The following VEPH1 variants were observed in gnomAD, a reference collection of about 807,000 sequenced individuals.
The protein encoded by VEPH1 is ventricular zone-expressed PH domain-containing protein homolog 1.
In VEPH1, 80 loss-of-function variants were observed where a neutral mutation model predicts 85.2. The ratio of observed to expected loss-of-function variants is 0.94; its 90% CI spans 0.78 to 1.13. The LOEUF (loss-of-function observed/expected upper bound fraction) is 1.13. Among genes scored for constraint, VEPH1 ranks in the 50% most tolerant of loss-of-function variants. The pLI is 0.00. For missense variants in VEPH1, 955 were observed against 980.5 expected (o/e 0.97, Z 0.35); for synonymous variants, 297 against 348.0 (o/e 0.85, Z 1.63).
rs1712786115 is a variant in VEPH1 at position 157,260,863 on chromosome 3, C to T, written c.*271G>A. Reference sequence around the variant, plus strand: ...ATCAGTGACTTTTCCCTTCCTGGCCCCACACTATCTGAGGGCATACTCTGT... The same window carrying T: ...ATCAGTGACTTTTCCCTTCCTGGCCTCACACTATCTGAGGGCATACTCTGT... On this transcript the variant is annotated 3_prime_UTR_variant, in exon 14 of 14. Transcript: ENST00000362010. 8 of 357,630 alleles carry T rather than the reference C, an allele frequency of 2.2e-5. No individual in the cohort carries two copies. In the South Asian group the frequency reaches 3.1e-4, roughly 14 times the overall value. 22.2% of individuals were successfully genotyped at this position (357,630 alleles called of 1,614,324 possible).
At chr3:157,352,905 C>A (rs1190551489) in intron 9 of VEPH1, among the ~76,000 whole-genome samples, 1 of 152,108 alleles carries the variant, frequency 6.6e-6, no homozygotes, top group East Asian at 1.9e-4. Context: ...CAGGGTTGTT[C>A]TGTTTGCAGG....
intron 6 of VEPH1, among the ~76,000 whole-genome samples, chr3:157,388,115 A>G (rs1218832880): frequency 6.6e-6 from 1 of 152,036 alleles, no homozygotes; most frequent in Admixed American, 6.5e-5. Flanking sequence ...AACTCTTTGA[A>G]GTCTCTACAC....
chr3:157,297,536 G>A (rs1052285065), intron 11 of VEPH1, among the ~76,000 whole-genome samples: 2 of 152,100 alleles, frequency 1.3e-5, no homozygotes, highest in Admixed American at 1.3e-4. Flanking sequence ...AGACATGGGG[G>A]GTGTAATGTG....
At chr3:157,279,789 G>A (rs1283047495) in intron 12 of VEPH1, among the ~76,000 whole-genome samples, 4 of 152,056 alleles carry the variant, frequency 2.6e-5, no homozygotes, top group East Asian at 1.9e-4. Context: ...AGGCCGAGGC[G>A]GGCGGATCAC....
At chr3:157,326,393 A>G (rs1721909800) in intron 9 of VEPH1, among the ~76,000 whole-genome samples, 1 of 152,194 alleles carries the variant, frequency 6.6e-6, no homozygotes, top group Non-Finnish European at 1.5e-5. Flanking sequence ...GGAGTACCAA[A>G]AAAGTAAAAT....
chr3:157,412,501 G>A (rs1450620725), intron 6 of VEPH1, among the ~76,000 whole-genome samples: 1 of 152,088 alleles, frequency 6.6e-6, no homozygotes, highest in Non-Finnish European at 1.5e-5. Context: ...GAATTTTTTG[G>A]TTCTTGCAAA....
intron 11 of VEPH1, among the ~76,000 whole-genome samples, chr3:157,293,237 C>T (rs1310904412): frequency 6.6e-6 from 1 of 152,086 alleles, no homozygotes; most frequent in Non-Finnish European, 1.5e-5. Flanking sequence ...CAGCAGGGCA[C>T]TGATGTGGAA....
chr3:157,263,618 C>G (rs1713209207), intron 13 of VEPH1, among the ~76,000 whole-genome samples: 1 of 151,988 alleles, frequency 6.6e-6, no homozygotes, highest in Non-Finnish European at 1.5e-5. Flanking sequence ...ATTGAACTGC[C>G]CTTTCAAAAA....
At chr3:157,272,227 T>C (rs555025989) in intron 12 of VEPH1, among the ~76,000 whole-genome samples, 2 of 143,546 alleles carry the variant, frequency 1.4e-5, no homozygotes, top group East Asian at 4.0e-4. Flanking sequence ...TCCTGGGTGT[T>C]TGTCTCTTTT....
intron 11 of VEPH1, among the ~76,000 whole-genome samples, chr3:157,301,589 G>A (rs866655399): frequency 6.6e-6 from 1 of 151,890 alleles, no homozygotes; most frequent in Admixed American, 6.6e-5. Flanking sequence ...ACTTCTGTTC[G>A]TACCTTGCCC....
At chr3:157,437,677 C>T (rs1293982095) in intron 4 of VEPH1, 4 of 1,536,380 alleles carry the variant, frequency 2.6e-6, no homozygotes, top group Non-Finnish European at 3.5e-6. Context: ...CGCGGAAAGC[C>T]TGGCGAGGCC....
intron 12 of VEPH1, among the ~76,000 whole-genome samples, chr3:157,281,101 T>TGTGTGAGAGAGA (rs371002819): frequency 2.7e-5 from 4 of 148,630 alleles, no homozygotes; most frequent in African/African-American, 1.0e-4. Flanking sequence ...TGTGTGTGTG[T>TGTGTGAGAGAGA]GAGAGAGAGA....
At chr3:157,481,486 A>AAAAAAAAAAAC (rs57277738) in intron 2 of VEPH1, among the ~76,000 whole-genome samples, 11 of 79,056 alleles carry the variant, frequency 1.4e-4, no homozygotes, top group Non-Finnish European at 2.2e-4. Flanking sequence ...AAAAAAAAAA[A>AAAAAAAAAAAC]CAATCCTAAG....
intron 2 of VEPH1, among the ~76,000 whole-genome samples, chr3:157,474,242 T>C (rs775179432): frequency 5.3e-5 from 8 of 152,158 alleles, no homozygotes; most frequent in Non-Finnish European, 1.2e-4. Flanking sequence ...AGTTTTTCTT[T>C]ATGAATTTTA....
chr3:157,347,091 A>AAT (rs1724310572), intron 9 of VEPH1, among the ~76,000 whole-genome samples: 1 of 152,212 alleles, frequency 6.6e-6, no homozygotes, highest in Non-Finnish European at 1.5e-5. Flanking sequence ...ATTACTAAGA[A>AAT]ACTGTACAAT....
intron 9 of VEPH1, among the ~76,000 whole-genome samples, chr3:157,348,394 G>T (rs909980675): frequency 2.0e-5 from 3 of 152,000 alleles, no homozygotes; most frequent in African/African-American, 7.2e-5. Context: ...TCTTTTCTCT[G>T]CATCCTCACC....
At chr3:157,461,346 T>C (rs1327025126) in intron 3 of VEPH1, among the ~76,000 whole-genome samples, 2 of 152,144 alleles carry the variant, frequency 1.3e-5, no homozygotes, top group African/African-American at 4.8e-5. Context: ...CAACCCCACC[T>C]CTCAGACTAA....
rs1351720334 is a variant in VEPH1, at chr3:157,413,916, C to G, written c.871G>C (p.Ala291Pro). The part of the protein sequence containing the change: ...ERFPYLTGQM[A>P]RIYGAVGHVD... ...TGCCCAACAGCTCCATAAATCCTTG[C>G]CATCTGTCCAGTGAGGTAGGGGAAT... Residue 291 changes from alanine to proline, a missense_variant, in exon 6 of 14, where the codon GCA becomes CCA. Ala to Pro is a conservative substitution (Grantham distance 27, BLOSUM62 -1). Transcript: ENST00000362010. The G allele has an allele frequency of 3.7e-6, 6 of 1,613,440 alleles. No individual in the cohort carries two copies. Among genetic ancestry groups the G allele is most frequent in the Non-Finnish European group, 5.1e-6 (6 of 1,179,664 alleles).
At chr3:157,476,839 T>C (rs916650114) in intron 2 of VEPH1, among the ~76,000 whole-genome samples, 1 of 152,160 alleles carries the variant, frequency 6.6e-6, no homozygotes, top group Admixed American at 6.5e-5. Context: ...CTCTTGGTAC[T>C]CCCTTGCCCA....
Sources: allele counts gnomAD v4.1 joint callset (sites outside exome capture counted in the v4.1 genomes callset), GRCh38; gene constraint gnomAD v4.1.1; transcripts MANE v1.5; gene names NCBI Gene and HGNC (gene_info 2026-07-23, HGNC 2026-07-21).